Variants in RALYL observed in about 807,000 individuals in gnomAD.
RALYL encodes RALY RNA binding protein like, also known as RNA-binding Raly-like protein.
RALYL carries 29 observed loss-of-function variants against 35.1 expected under a neutral mutation model. The ratio of observed to expected loss-of-function variants is 0.83; its 90% CI spans 0.61 to 1.13. RALYL has a LOEUF of 1.13. Among genes scored for constraint, RALYL ranks in the 50% most tolerant of loss-of-function variants. The pLI is 0.00. For synonymous variants in RALYL, 120 were observed against 127.6 expected, an observed-to-expected ratio of 0.94 and a Z score of 0.40; for missense variants, 359 against 360.4, an observed-to-expected ratio of 1.00 and a Z score of 0.03.
intron 2 of RALYL, among the ~76,000 whole-genome samples, chr8:84,760,243 A>G (rs962472965): frequency 4.6e-5 from 7 of 152,062 alleles, no homozygotes; most frequent in Admixed American, 1.3e-4. Flanking sequence ...TTTTTTTTCC[A>G]TGTTGATATG....
At chr8:84,906,655 C>A (rs915622569) in intron 8 of RALYL, among the ~76,000 whole-genome samples, 20 of 151,310 alleles carry the variant, frequency 1.3e-4, no homozygotes, top group South Asian at 4.2e-4. Flanking sequence ...TGACCTTTTA[C>A]AATTCTTGCC....
chr8:84,364,677 A>T (rs1427890186), intron 1 of RALYL, among the ~76,000 whole-genome samples: 1 of 152,160 alleles, frequency 6.6e-6, no homozygotes, highest in East Asian at 1.9e-4. Context: ...AAAACTCATG[A>T]TTCATTAACA....
At chr8:84,249,011 T>A (rs1829675042) in intron 1 of RALYL, among the ~76,000 whole-genome samples, 1 of 152,102 alleles carries the variant, frequency 6.6e-6, no homozygotes, top group South Asian at 2.1e-4. Context: ...TATTTTGTAG[T>A]CATGGAACGA....
chr8:84,199,849 G>A (rs1449556131), intron 1 of RALYL, among the ~76,000 whole-genome samples: 1 of 152,142 alleles, frequency 6.6e-6, no homozygotes, highest in African/African-American at 2.4e-5. Flanking sequence ...TGTTCCAAAT[G>A]TTGAAATTTA....
chr8:84,759,090 T>C lies in RALYL; in HGVS notation c.257-15489T>C, dbSNP rs187965135. On this transcript the variant is annotated intron_variant, in intron 2 of 8. Transcript: ENST00000521268. Reference sequence around the variant, plus strand: ...GCCAACAATGGTGGGTTGAGTCTCATATCATGGCACTATGACCTCCTCTTC... The same window carrying C: ...GCCAACAATGGTGGGTTGAGTCTCACATCATGGCACTATGACCTCCTCTTC... Among the ~76,000 whole-genome samples, 6 of 152,242 alleles carry C rather than the reference T, an allele frequency of 3.9e-5. No homozygotes were observed. The East Asian group carries it at 1.2e-3, about 29-fold the overall frequency.
intron 1 of RALYL, among the ~76,000 whole-genome samples, chr8:84,480,097 C>T (rs2053886184): frequency 6.6e-6 from 1 of 152,088 alleles, no homozygotes; most frequent in Non-Finnish European, 1.5e-5. Context: ...GAGTTCCAAC[C>T]TGACTCGTTA....
chr8:84,577,179 T>C (rs1372655999), intron 2 of RALYL, among the ~76,000 whole-genome samples: 1 of 152,244 alleles, frequency 6.6e-6, no homozygotes, highest in Non-Finnish European at 1.5e-5. Context: ...ATTACGCACT[T>C]CCTTGAGGGA....
chr8:84,794,487 C>T (rs1489878475), intron 3 of RALYL, among the ~76,000 whole-genome samples: 1 of 152,218 alleles, frequency 6.6e-6, no homozygotes, highest in Non-Finnish European at 1.5e-5. Context: ...CTTAAATTTA[C>T]TTCCCTTTAC....
At chr8:84,859,487 G>A (rs1563759045) in intron 5 of RALYL, among the ~76,000 whole-genome samples, 2 of 152,054 alleles carry the variant, frequency 1.3e-5, no homozygotes, top group Non-Finnish European at 2.9e-5. Context: ...AAATATTTAA[G>A]TCCTGATGCT....
At chr8:84,278,183 T>C (rs187334440) in intron 1 of RALYL, among the ~76,000 whole-genome samples, 221 of 152,336 alleles carry the variant, frequency 1.5e-3, no homozygotes, top group African/African-American at 5.1e-3. Context: ...AATTATTGAC[T>C]TCTGTGCACC....
At chr8:84,900,792 A>G (rs1196639329) in intron 8 of RALYL, among the ~76,000 whole-genome samples, 1 of 152,234 alleles carries the variant, frequency 6.6e-6, no homozygotes, top group African/African-American at 2.4e-5. Flanking sequence ...CCACAATGTT[A>G]GTGTCATAGC....
chr8:84,284,472 A>G (rs1837228641), intron 1 of RALYL, among the ~76,000 whole-genome samples: 1 of 152,230 alleles, frequency 6.6e-6, no homozygotes, highest in South Asian at 2.1e-4. Flanking sequence ...GCACACTTCT[A>G]GCTAAGTAAT....
chr8:84,680,357 A>C, intron 2 of RALYL, among the ~76,000 whole-genome samples: 1 of 152,166 alleles, frequency 6.6e-6, no homozygotes, highest in Non-Finnish European at 1.5e-5. Context: ...TCCTTTGGGT[A>C]TATACCCAGT....
At chr8:84,221,145 A>G (rs1563556037) in intron 1 of RALYL, among the ~76,000 whole-genome samples, 1 of 152,082 alleles carries the variant, frequency 6.6e-6, no homozygotes, top group Non-Finnish European at 1.5e-5. Context: ...TGCTTCAGCT[A>G]TTAATCTGAG....
intron 2 of RALYL, among the ~76,000 whole-genome samples, chr8:84,752,374 T>G (rs756832705): frequency 6.6e-6 from 1 of 152,160 alleles, no homozygotes; most frequent in Non-Finnish European, 1.5e-5. Flanking sequence ...CTGGAACTTA[T>G]ATTTAAAAGG....
At chr8:84,498,529 G>GAT (rs2134172450) in intron 1 of RALYL, among the ~76,000 whole-genome samples, 1 of 152,200 alleles carries the variant, frequency 6.6e-6, no homozygotes, top group East Asian at 1.9e-4. Flanking sequence ...CTGATAGCTA[G>GAT]ATGCACTTCT....
chr8:84,362,032 T>A (rs905215699), intron 1 of RALYL, among the ~76,000 whole-genome samples: 1 of 152,192 alleles, frequency 6.6e-6, no homozygotes, highest in Non-Finnish European at 1.5e-5. Context: ...GAGCAGCCAC[T>A]GTACCTGATA....
chr8:84,913,034 A>ATGGATGGATG (rs1563856522), intron 8 of RALYL, among the ~76,000 whole-genome samples: 5 of 86,874 alleles, frequency 5.8e-5, no homozygotes, highest in Non-Finnish European at 1.2e-4. Context: ...ATGGATGGAT[A>ATGGATGGATG]GGTAGGTAGA....
At chr8:84,307,870 A>G (rs1357580710) in intron 1 of RALYL, among the ~76,000 whole-genome samples, 1 of 152,210 alleles carries the variant, frequency 6.6e-6, no homozygotes, top group Non-Finnish European at 1.5e-5. Context: ...TTTCTCACAA[A>G]AAAAGGGCTC....
Sources: gnomAD v4.1 joint callset for allele counts (sites outside exome capture counted in the v4.1 genomes callset) on GRCh38, gnomAD v4.1.1 for gene constraint, MANE v1.5 for transcripts, NCBI Gene and HGNC (gene_info 2026-07-23, HGNC 2026-07-21) for gene names.